SNTG2: variants seen among roughly 807,000 people sequenced by gnomAD.
SNTG2 encodes gamma-2-syntrophin.
Under a neutral mutation model 70.9 loss-of-function variants are expected in SNTG2, and 74 were observed. The observed-to-expected ratio is 1.04, with a 90% CI of 0.86 to 1.27. The LOEUF (loss-of-function observed/expected upper bound fraction) is 1.27, where lower values mean the gene tolerates loss of function less well. Among genes scored for constraint, SNTG2 ranks in the 50% most tolerant of loss-of-function variants. The probability of loss-of-function intolerance (pLI) is 0.00; values close to 1 mark genes in which losing one functional copy is unlikely to be tolerated. For missense variants in SNTG2, 717 were observed against 690.7 expected (o/e 1.04, Z -0.43); for synonymous variants, 278 against 273.8 (o/e 1.02, Z -0.15).
intron 13 of SNTG2, among the ~76,000 whole-genome samples, chr2:1,265,737 A>G (rs1003289362): frequency 8.5e-5 from 13 of 152,386 alleles, no homozygotes; most frequent in African/African-American, 2.6e-4. Context: ...GGGACTGTCC[A>G]GCTTGGCTGG....
intron 6 of SNTG2, among the ~76,000 whole-genome samples, chr2:1,143,823 A>G (rs1221861037): frequency 6.6e-6 from 1 of 151,220 alleles, no homozygotes; most frequent in Non-Finnish European, 1.5e-5. Context: ...CAGTGAGCAG[A>G]GATCATGCCA....
chr2:968,700 A>G (rs1285922572), intron 1 of SNTG2, among the ~76,000 whole-genome samples: 2 of 152,062 alleles, frequency 1.3e-5, no homozygotes, highest in East Asian at 3.8e-4. Context: ...TCCTTTAACC[A>G]TTTTTTAATG....
chr2:978,932 A>C (rs1661002045), intron 1 of SNTG2, among the ~76,000 whole-genome samples: 1 of 152,212 alleles, frequency 6.6e-6, no homozygotes, highest in Non-Finnish European at 1.5e-5. Flanking sequence ...CAGATTGCTG[A>C]ATATTATGTA....
chr2:1,099,014 A>T (rs1175096796), intron 4 of SNTG2, among the ~76,000 whole-genome samples: 1 of 152,220 alleles, frequency 6.6e-6, no homozygotes, highest in Non-Finnish European at 1.5e-5. Flanking sequence ...TTCTGGCCAC[A>T]CATTCCACTA....
intron 6 of SNTG2, among the ~76,000 whole-genome samples, chr2:1,141,622 A>G (rs1668754489): frequency 6.6e-6 from 1 of 152,128 alleles, no homozygotes; most frequent in Non-Finnish European, 1.5e-5. Context: ...CCTCCTCCAC[A>G]TCTTTCAAGT....
chr2:1,077,236 C>T lies in SNTG2; in HGVS notation c.73-6282C>T, dbSNP rs372862507. Reference sequence around the variant, plus strand: ...AAAACCGAGGCCTAGTCAACGTTCACATCTGTTTCTGAGTGTTTTCTGGGA... The same window carrying T: ...AAAACCGAGGCCTAGTCAACGTTCATATCTGTTTCTGAGTGTTTTCTGGGA... On this transcript the variant is annotated intron_variant, in intron 1 of 16. Transcript: ENST00000308624. 5.3e-5 allele frequency among the ~76,000 whole-genome samples: 8 copies of T among 152,302 alleles called. No homozygotes were observed. The Middle Eastern group carries it at 0.014, about 259-fold the overall frequency.
intron 1 of SNTG2, among the ~76,000 whole-genome samples, chr2:989,305 G>T (rs1306672939): frequency 1.3e-5 from 2 of 152,142 alleles, no homozygotes; most frequent in East Asian, 1.9e-4. Context: ...TGGTGTTCCT[G>T]ATTTCAGGGA....
At chr2:1,210,270 A>G (rs1406686169) in intron 9 of SNTG2, among the ~76,000 whole-genome samples, 4 of 152,230 alleles carry the variant, frequency 2.6e-5, no homozygotes, top group Non-Finnish European at 5.9e-5. Context: ...AGACAAACCT[A>G]GTAAAAGATG....
At chr2:1,322,045 T>G (rs1369245672) in intron 16 of SNTG2, among the ~76,000 whole-genome samples, 1 of 152,190 alleles carries the variant, frequency 6.6e-6, no homozygotes, top group Non-Finnish European at 1.5e-5. Context: ...AAAAATGAGT[T>G]GACTACTTTT....
At chr2:1,358,315 T>C (rs1397087747) in intron 16 of SNTG2, among the ~76,000 whole-genome samples, 11 of 152,158 alleles carry the variant, frequency 7.2e-5, no homozygotes, top group African/African-American at 2.7e-4. Context: ...AACCAACTCT[T>C]AGTTTTATTG....
intron 1 of SNTG2, among the ~76,000 whole-genome samples, chr2:959,165 A>G (rs552252509): frequency 1.6e-4 from 24 of 152,360 alleles, no homozygotes; most frequent in African/African-American, 5.8e-4. Flanking sequence ...ATAAAGAGGA[A>G]AATCTAGTAG....
intron 1 of SNTG2, among the ~76,000 whole-genome samples, chr2:961,138 C>T (rs1263226652): frequency 6.6e-6 from 1 of 152,044 alleles, no homozygotes; most frequent in African/African-American, 2.4e-5. Flanking sequence ...TAAATAAAAC[C>T]AACTTTATTT....
At chr2:982,190 G>C (rs1187892795) in intron 1 of SNTG2, among the ~76,000 whole-genome samples, 1 of 152,168 alleles carries the variant, frequency 6.6e-6, no homozygotes, top group East Asian at 1.9e-4. Flanking sequence ...GCCCTAAATA[G>C]AATCCTGCTC....
intron 1 of SNTG2, among the ~76,000 whole-genome samples, chr2:1,063,698 A>G (rs1172245106): frequency 6.6e-6 from 1 of 152,246 alleles, no homozygotes; most frequent in Non-Finnish European, 1.5e-5. Flanking sequence ...AAGAGTGGAC[A>G]CAACAAAATA....
intron 1 of SNTG2, among the ~76,000 whole-genome samples, chr2:1,082,317 A>G (rs114966009): frequency 0.013 from 1,979 of 152,268 alleles, 44 homozygotes; most frequent in African/African-American, 0.045. Flanking sequence ...CCTTTTGCTC[A>G]GCCTGGATCT....
At chr2:1,306,240 C>T (rs556923139) in intron 14 of SNTG2, among the ~76,000 whole-genome samples, 77 of 152,216 alleles carry the variant, frequency 5.1e-4, no homozygotes, top group African/African-American at 1.6e-3. Flanking sequence ...TATTTGTGAC[C>T]GCCGGCTGTG....
chr2:1,308,776 G>A (rs945505026), intron 15 of SNTG2, among the ~76,000 whole-genome samples, 190 bp downstream of exon 15: 6 of 152,108 alleles, frequency 3.9e-5, no homozygotes, highest in African/African-American at 1.4e-4. Context: ...AAGCCCTGAG[G>A]GTGTCTGGCC....
At chr2:1,339,411 T>C (rs1164850717) in intron 16 of SNTG2, among the ~76,000 whole-genome samples, 1 of 152,238 alleles carries the variant, frequency 6.6e-6, no homozygotes, top group Non-Finnish European at 1.5e-5. Flanking sequence ...TTGACAGCAG[T>C]GTTTTAAACT....
chr2:1,203,669 A>AC (rs1553355220), intron 8 of SNTG2, among the ~76,000 whole-genome samples: 183 of 94,228 alleles, frequency 1.9e-3, no homozygotes, highest in South Asian at 0.015. Context: ...CAAACAAAAA[A>AC]AAAAATATAT....
Sources: gnomAD v4.1 joint callset for allele counts (sites outside exome capture counted in the v4.1 genomes callset) on GRCh38, gnomAD v4.1.1 for gene constraint, MANE v1.5 for transcripts, NCBI Gene and HGNC (gene_info 2026-07-23, HGNC 2026-07-21) for gene names.